The following EYS variants were observed in gnomAD, a reference collection of about 807,000 sequenced individuals.
EYS encodes the protein EGF-like photoreceptor maintenance factor.
Under a neutral mutation model 282.1 loss-of-function variants are expected in EYS, and 250 were observed. The observed-to-expected ratio is 0.89, with a 90% confidence interval of 0.80 to 0.98. EYS has a LOEUF of 0.98. EYS is among the 50% of genes least tolerant of loss of function. The pLI is 0.00. For synonymous variants in EYS, 1,355 were observed against 1,282.9 expected, an observed-to-expected ratio of 1.06 and a Z score of -1.20; for missense variants, 4,016 against 3,709.0, an observed-to-expected ratio of 1.08 and a Z score of -2.15.
chr6:64,345,174 T>G (rs1771328885), intron 29 of EYS, among the ~76,000 whole-genome samples: 1 of 152,172 alleles, frequency 6.6e-6, no homozygotes. Flanking sequence ...ACCAATGACT[T>G]TCTTCACAGA....
chr6:64,966,543 A>G (rs541217409), intron 14 of EYS, among the ~76,000 whole-genome samples: 2 of 152,288 alleles, frequency 1.3e-5, no homozygotes, highest in African/African-American at 4.8e-5. Context: ...CTCTGGGGAT[A>G]AAAGATATGG....
At chr6:65,213,238 C>T (rs1562025921) in intron 12 of EYS, among the ~76,000 whole-genome samples, 1 of 152,292 alleles carries the variant, frequency 6.6e-6, no homozygotes, top group East Asian at 1.9e-4. Context: ...GATGAACTGT[C>T]ATCCGTGTGC....
At chr6:64,880,203 A>G (rs376581044) in intron 19 of EYS, among the ~76,000 whole-genome samples, 1 of 151,106 alleles carries the variant, frequency 6.6e-6, no homozygotes, top group African/African-American at 2.4e-5. Flanking sequence ...CTTTAAAATC[A>G]GATTAGTCTT....
At chr6:65,552,601 C>G (rs1768634521) in intron 2 of EYS, among the ~76,000 whole-genome samples, 1 of 151,974 alleles carries the variant, frequency 6.6e-6, no homozygotes, top group East Asian at 1.9e-4. Context: ...ATAGCTGAAG[C>G]TGAAATTTTC....
chr6:64,199,640 A>C (rs982514549), intron 31 of EYS, among the ~76,000 whole-genome samples: 1 of 152,216 alleles, frequency 6.6e-6, no homozygotes, highest in Admixed American at 6.5e-5. Context: ...GTGAACAGGC[A>C]ACCTACAGAA....
intron 36 of EYS, among the ~76,000 whole-genome samples, chr6:63,825,217 G>A (rs1211610246): frequency 6.6e-6 from 1 of 152,126 alleles, no homozygotes. Flanking sequence ...CTGGGAACCT[G>A]TCCCCCATCC....
chr6:63,784,366 G>A (rs1422019654), intron 39 of EYS, among the ~76,000 whole-genome samples: 1 of 152,124 alleles, frequency 6.6e-6, no homozygotes, highest in African/African-American at 2.4e-5. Flanking sequence ...CAGTGGAAGC[G>A]AGTTAAGTAT....
At chr6:65,399,546 T>C (rs1479395979) in intron 7 of EYS, among the ~76,000 whole-genome samples, 4 of 152,054 alleles carry the variant, frequency 2.6e-5, no homozygotes, top group Admixed American at 2.6e-4. Context: ...AAAATCATTT[T>C]CATAGTCAGC....
At chr6:63,918,870 A>G (rs1373682070) in intron 35 of EYS, among the ~76,000 whole-genome samples, 1 of 152,208 alleles carries the variant, frequency 6.6e-6, no homozygotes, top group African/African-American at 2.4e-5. Context: ...GAAAGAAGCA[A>G]AGTACACATT....
intron 39 of EYS, among the ~76,000 whole-genome samples, chr6:63,779,783 T>A (rs1039971990): frequency 1.3e-5 from 2 of 151,562 alleles, no homozygotes; most frequent in African/African-American, 2.4e-5. Context: ...AGTTCTAGGG[T>A]ACATGTGCAT....
chr6:64,342,547 A>C (rs996330526), intron 29 of EYS, among the ~76,000 whole-genome samples: 1 of 151,938 alleles, frequency 6.6e-6, no homozygotes, highest in Non-Finnish European at 1.5e-5. Flanking sequence ...TCCTGCCCTA[A>C]AAGAGCTCCT....
intron 12 of EYS, among the ~76,000 whole-genome samples, chr6:65,258,944 C>T (rs1397108654): frequency 1.3e-5 from 2 of 151,690 alleles, no homozygotes; most frequent in African/African-American, 4.8e-5. Context: ...GTAGGAAAAC[C>T]CTGCATGTGG....
At chr6:64,988,021 C>A (rs1375498131) in intron 14 of EYS, among the ~76,000 whole-genome samples, 2 of 151,226 alleles carry the variant, frequency 1.3e-5, no homozygotes, top group Admixed American at 1.3e-4. Context: ...TCCCATTGGT[C>A]TCTTTTGAGT....
chr6:64,235,834 G>A (rs1766587477), intron 30 of EYS, among the ~76,000 whole-genome samples: 1 of 152,098 alleles, frequency 6.6e-6, no homozygotes, highest in Non-Finnish European at 1.5e-5. Context: ...ATAATCAATA[G>A]CTTACCAACC....
intron 26 of EYS, among the ~76,000 whole-genome samples, chr6:64,464,513 C>T (rs1775854742): frequency 2.0e-5 from 3 of 152,002 alleles, no homozygotes; most frequent in Admixed American, 1.3e-4. Flanking sequence ...TCCCTGTTTA[C>T]AAGCAATGTA....
chr6:64,526,238 T>A (rs1562041885), intron 26 of EYS, among the ~76,000 whole-genome samples: 1 of 151,706 alleles, frequency 6.6e-6, no homozygotes, highest in African/African-American at 2.4e-5. Flanking sequence ...ACAGGAGGGA[T>A]CCTCGTGGTG....
intron 26 of EYS, among the ~76,000 whole-genome samples, chr6:64,485,824 G>A (rs995556565): frequency 1.3e-5 from 2 of 151,086 alleles, no homozygotes; most frequent in African/African-American, 4.9e-5. Context: ...TTAATTATTG[G>A]GCCTAAGGGT....
chr6:63,982,352 G>T (rs1046815867), intron 35 of EYS, among the ~76,000 whole-genome samples: 1 of 151,826 alleles, frequency 6.6e-6, no homozygotes, highest in East Asian at 1.9e-4. Flanking sequence ...TTGCAGTAAA[G>T]GTATGGGATA....
intron 12 of EYS, among the ~76,000 whole-genome samples, chr6:65,247,468 C>T (rs1447983912): frequency 6.6e-6 from 1 of 151,896 alleles, no homozygotes; most frequent in East Asian, 1.9e-4. Flanking sequence ...ATTGTTTTGC[C>T]TACTATTTGT....
Sources: allele counts gnomAD v4.1 joint callset (sites outside exome capture counted in the v4.1 genomes callset), GRCh38; gene constraint gnomAD v4.1.1; transcripts MANE v1.5; gene names NCBI Gene and HGNC (gene_info 2026-07-23, HGNC 2026-07-21).